The following PDE4D variants were observed in gnomAD, a reference collection of about 807,000 sequenced individuals.
PDE4D encodes 3',5'-cyclic-AMP phosphodiesterase 4D.
A neutral mutation model predicts 87.4 loss-of-function variants in PDE4D; 24 were observed. That is an observed-to-expected ratio of 0.27 (90% CI 0.20 to 0.39). The LOEUF (loss-of-function observed/expected upper bound fraction) is 0.39, where lower values mean the gene tolerates loss of function less well. PDE4D is among the 10% of genes least tolerant of loss of function. The pLI is 1.00. For missense variants in PDE4D, 714 were observed against 1,041.0 expected, an observed-to-expected ratio of 0.69 and a Z score of 4.32; for synonymous variants, 384 against 383.2, an observed-to-expected ratio of 1.00 and a Z score of -0.02.
intron 2 of PDE4D, among the ~76,000 whole-genome samples, chr5:60,053,038 G>C (rs1405496671): frequency 1.3e-5 from 2 of 152,146 alleles, no homozygotes; most frequent in African/African-American, 4.8e-5. Context: ...GGAAATAAGA[G>C]AGGACAAAAA....
rs760857184 is a variant in PDE4D at position 59,668,825 on chromosome 5, GAA to G, written c.455+224341_455+224342del. On this transcript the variant is annotated intron_variant, in intron 1 of 14. Transcript: ENST00000340635. The stretch of plus-strand genomic sequence containing the variant: ...GAAGAAAGAAGAAGAAGAAGAAGAA[GAA>G]GAAGAGGAAGAGGAAGAGGAAGAAG... Among the ~76,000 whole-genome samples, 94 of 90,790 alleles carry G rather than the reference GAA, an allele frequency of 1.0e-3. 4 individuals carry two copies. The highest frequency in any genetic ancestry group is 3.7e-3 in the African/African-American group (71 of 19,386). The allele number at this position is 90,790 out of a possible 152,430, so 59.6% of individuals were successfully genotyped here. A position where few individuals can be genotyped will look rare whatever the true frequency, so the allele number is the denominator to read the frequency against.
chr5:59,069,940 T>C (rs1580637332), intron 5 of PDE4D, among the ~76,000 whole-genome samples: 1 of 152,176 alleles, frequency 6.6e-6, no homozygotes. Context: ...AGACAACTAC[T>C]GTGAACATTT....
chr5:59,954,648 C>T (rs1253329747), intron 3 of PDE4D, among the ~76,000 whole-genome samples: 2 of 152,176 alleles, frequency 1.3e-5, no homozygotes, highest in Non-Finnish European at 2.9e-5. Flanking sequence ...GCAAATGGCA[C>T]TGCCCTGAAG....
At chr5:59,858,358 C>T (rs1294880234) in intron 1 of PDE4D, among the ~76,000 whole-genome samples, 1 of 151,866 alleles carries the variant, frequency 6.6e-6, no homozygotes, top group Non-Finnish European at 1.5e-5. Context: ...TATCATCTGG[C>T]CCCAAATCCC....
At chr5:59,433,155 C>T (rs1272366210) in intron 1 of PDE4D, among the ~76,000 whole-genome samples, 2 of 151,974 alleles carry the variant, frequency 1.3e-5, no homozygotes, top group Non-Finnish European at 2.9e-5. Flanking sequence ...TAGGAGATTG[C>T]CCAGTAGAAG....
intron 1 of PDE4D, among the ~76,000 whole-genome samples, chr5:60,187,252 A>G (rs1377189165): frequency 6.6e-6 from 1 of 152,220 alleles, no homozygotes; most frequent in African/African-American, 2.4e-5. Context: ...CACAATGGAA[A>G]GTTCTCAGCT....
chr5:59,133,087 AAATATAC>A (rs1456452938), intron 5 of PDE4D, among the ~76,000 whole-genome samples: 1 of 152,190 alleles, frequency 6.6e-6, no homozygotes, highest in African/African-American at 2.4e-5. Context: ...TTCTGTCTGT[AAATATAC>A]AATATATATA....
intron 1 of PDE4D, among the ~76,000 whole-genome samples, chr5:59,310,549 AGAG>A (rs1487955494): frequency 6.6e-6 from 1 of 152,092 alleles, no homozygotes; most frequent in Non-Finnish European, 1.5e-5. Context: ...CACTTTGGGG[AGAG>A]GACAATTCTT....
At chr5:59,072,217 T>A (rs1764966160) in intron 5 of PDE4D, among the ~76,000 whole-genome samples, 2 of 152,136 alleles carry the variant, frequency 1.3e-5, no homozygotes, top group African/African-American at 4.8e-5. Context: ...ATCTTTGGGT[T>A]TTTTCTCTTG....
chr5:60,297,900 T>C (rs945566456), intron 1 of PDE4D, among the ~76,000 whole-genome samples: 4 of 152,210 alleles, frequency 2.6e-5, no homozygotes, highest in Admixed American at 6.5e-5. Flanking sequence ...CCCACTCCAA[T>C]TGTAGAAGAC....
At chr5:59,587,014 T>C (rs1292366299) in intron 1 of PDE4D, 1 of 985,348 alleles carries the variant, frequency 1.0e-6, no homozygotes, top group African/African-American at 1.7e-5. Flanking sequence ...ATTTCAGAAT[T>C]GCTGGTTCAA....
At chr5:59,260,425 T>C (rs1452618180) in intron 1 of PDE4D, among the ~76,000 whole-genome samples, 2 of 151,812 alleles carry the variant, frequency 1.3e-5, no homozygotes, top group Non-Finnish European at 2.9e-5. Context: ...AAGCCCAAGA[T>C]TGCATGTGTA....
At chr5:59,741,843 G>T (rs776358432) in intron 1 of PDE4D, among the ~76,000 whole-genome samples, 1 of 152,048 alleles carries the variant, frequency 6.6e-6, no homozygotes, top group Non-Finnish European at 1.5e-5. Context: ...TAAGTTTAAC[G>T]GTAAACTTCT....
At chr5:60,084,812 C>T (rs1681798907) in intron 2 of PDE4D, among the ~76,000 whole-genome samples, 2 of 152,132 alleles carry the variant, frequency 1.3e-5, no homozygotes, top group South Asian at 4.1e-4. Flanking sequence ...ATAATTACTA[C>T]TTTGAACTCC....
intron 1 of PDE4D, among the ~76,000 whole-genome samples, chr5:59,659,249 A>G (rs1198515613): frequency 6.6e-5 from 10 of 152,268 alleles, no homozygotes. Context: ...ATCAGCAAAC[A>G]TAGAGTAAAT....
At chr5:59,217,276 T>C (rs1156969679) in intron 1 of PDE4D, 1 of 455,896 alleles carries the variant, frequency 2.2e-6, no homozygotes. Flanking sequence ...AAAGAATAAA[T>C]AAACATGTGA....
At chr5:59,234,601 G>A (rs72765932) in intron 1 of PDE4D, among the ~76,000 whole-genome samples, 11,190 of 152,146 alleles carry the variant, frequency 0.074, 535 homozygotes, top group Non-Finnish European at 0.1. Context: ...TATGTAAATA[G>A]AACCTCCATC....
intron 1 of PDE4D, among the ~76,000 whole-genome samples, chr5:59,639,331 G>T (rs1741142829): frequency 6.6e-6 from 1 of 152,102 alleles, no homozygotes; most frequent in Non-Finnish European, 1.5e-5. Context: ...ACAAAGAAGA[G>T]AAAATCTTCT....
At chr5:59,878,372 C>G (rs1054882141) in intron 1 of PDE4D, among the ~76,000 whole-genome samples, 2 of 152,184 alleles carry the variant, frequency 1.3e-5, no homozygotes, top group African/African-American at 4.8e-5. Flanking sequence ...AACTTTCCCC[C>G]ACTCAAACAA....
Sources: allele counts gnomAD v4.1 joint callset (sites outside exome capture counted in the v4.1 genomes callset), GRCh38; gene constraint gnomAD v4.1.1; transcripts MANE v1.5; gene names NCBI Gene and HGNC (gene_info 2026-07-23, HGNC 2026-07-21).